SLC30A7: variants seen among roughly 807,000 people sequenced by gnomAD.
SLC30A7 encodes zinc transporter 7.
SLC30A7 carries 35 observed loss-of-function variants against 46.0 expected under a neutral mutation model. That is an observed-to-expected ratio of 0.76 (90% CI 0.58 to 1.01). SLC30A7 has a LOEUF of 1.01. Among genes scored for constraint, SLC30A7 ranks in the 50% least tolerant of loss-of-function variants. The probability of loss-of-function intolerance (pLI) is 0.00; values close to 1 mark genes in which losing one functional copy is unlikely to be tolerated. For synonymous variants in SLC30A7, 147 were observed against 157.8 expected (o/e 0.93, Z 0.51); for missense variants, 464 against 451.1 (o/e 1.03, Z -0.26).
At chr1:100,992,552 T>C in the SLC30A7 span, 4 of 903,134 alleles carry the variant, frequency 4.4e-6, no homozygotes, top group East Asian at 2.5e-5. Flanking sequence ...CTTGCTTCCA[T>C]AGTGGTATGA....
At chr1:100,916,112 CT>C (rs1275736107) in intron 6 of SLC30A7, among the ~76,000 whole-genome samples, 1 of 151,666 alleles carries the variant, frequency 6.6e-6, no homozygotes, top group East Asian at 1.9e-4. Flanking sequence ...CCATTTATTA[CT>C]TTTTTATTTT....
intron 1 of SLC30A7, 92 bp from the exon 2 acceptor site, chr1:100,896,478 T>G: frequency 2.1e-6 from 3 of 1,427,316 alleles, no homozygotes; most frequent in Admixed American, 1.7e-5. Context: ...AAGGAGCATG[T>G]GAACTGGGAG....
intron 8 of SLC30A7, among the ~76,000 whole-genome samples, chr1:100,951,808 G>A (rs1330439551): frequency 2.0e-5 from 3 of 152,186 alleles, no homozygotes; most frequent in Non-Finnish European, 2.9e-5. Context: ...TGGCCCCAAA[G>A]ATGGCCAAGT....
downstream of SLC30A7, among the ~76,000 whole-genome samples, chr1:100,983,775 A>G (rs140046622): frequency 1.3e-3 from 200 of 152,356 alleles, no homozygotes; most frequent in African/African-American, 4.5e-3. Flanking sequence ...AGATTCACAT[A>G]TAAGCAGGAG....
rs147461172 is a variant in SLC30A7, at chr1:100,974,857, G to A, written c.1131G>A (p.Ter377=). The change falls in exon 11 of 11, where the codon TAG becomes TAA. Residue 377 remains the stop codon, a stop_retained_variant. Transcript: ENST00000357650. The part of the protein sequence containing the change: ...LYVQIDFAAM[*] Reference sequence around the variant, plus strand: ...TACAGATTGACTTTGCAGCCATGTAGTGAATGGAAAGAAATTATGCACCTT... The same window carrying A: ...TACAGATTGACTTTGCAGCCATGTAATGAATGGAAAGAAATTATGCACCTT... 51 of 1,598,338 alleles carry A rather than the reference G, an allele frequency of 3.2e-5. No individual in the cohort carries two copies. In the Admixed American group the frequency reaches 4.5e-4, roughly 14 times the overall value.
At chr1:100,991,307 T>C in the SLC30A7 span, among the ~76,000 whole-genome samples, 562 of 152,350 alleles carry the variant, frequency 3.7e-3, 1 homozygote, top group African/African-American at 0.013. Context: ...TTAATGGTTG[T>C]ATTGTTTAGT....
the SLC30A7 span, among the ~76,000 whole-genome samples, chr1:100,989,367 T>C: frequency 2.6e-5 from 4 of 152,236 alleles, no homozygotes; most frequent in Admixed American, 2.6e-4. Context: ...TGAACATTTA[T>C]AATTAAACAA....
chr1:100,912,890 AGTGT>A (rs146877144), intron 5 of SLC30A7, among the ~76,000 whole-genome samples: 22,265 of 150,998 alleles, frequency 0.15, 1,627 homozygotes, highest in Non-Finnish European at 0.16. Context: ...AAAAAAAAAA[AGTGT>A]GTGTGTTTAT....
chr1:100,906,040 G>A (rs1651638325), intron 2 of SLC30A7, among the ~76,000 whole-genome samples: 1 of 152,166 alleles, frequency 6.6e-6, no homozygotes, highest in Admixed American at 6.5e-5. Context: ...GTTAGTATGG[G>A]ACTTTCGAAA....
intron 10 of SLC30A7, among the ~76,000 whole-genome samples, chr1:100,970,466 G>A (rs896571845): frequency 6.6e-6 from 1 of 151,956 alleles, no homozygotes; most frequent in African/African-American, 2.4e-5. Context: ...TGCTGTACGT[G>A]AATATAAACT....
intron 2 of SLC30A7, among the ~76,000 whole-genome samples, 176 bp downstream of exon 2, chr1:100,896,847 A>G (rs1023936982): frequency 1.1e-4 from 17 of 152,112 alleles, no homozygotes; most frequent in Non-Finnish European, 4.4e-5. Flanking sequence ...ACAGTTCTTG[A>G]GTAAGATCTG....
intron 5 of SLC30A7, 93 bp from the exon 6 acceptor site, chr1:100,913,570 T>G: frequency 1.1e-6 from 1 of 887,600 alleles, no homozygotes; most frequent in South Asian, 1.6e-5. Context: ...GATCTGAGTT[T>G]AGAGCTGATT....
rs757269962 is a variant in SLC30A7, at chr1:100,896,338, T to C, written c.76T>C (p.Phe26Leu). 7 of 1,613,974 alleles carry C rather than the reference T, an allele frequency of 4.3e-6. No individual in the cohort carries two copies. The highest frequency in any genetic ancestry group is 5.9e-6 in the Non-Finnish European group (7 of 1,179,980). ...FNLFGKISGW[F>L]RSILSDKTSR... ...TTTGTTCGGCAAGATCTCGGGCTGGTTTAGGTGCGGGGTGCTGTGTTTGCG... is the reference window on the plus strand; with the variant it reads ...TTTGTTCGGCAAGATCTCGGGCTGGCTTAGGTGCGGGGTGCTGTGTTTGCG... The change falls in exon 1 of 11, where the codon TTT becomes CTT. Residue 26 changes from phenylalanine (F) to leucine (L), a missense_variant. Phe to Leu is a conservative substitution (Grantham distance 22, BLOSUM62 0). Coordinates refer to ENST00000357650, the MANE Select transcript of SLC30A7 (RefSeq NM_133496.5).
chr1:100,946,330 A>G (rs1220959209), intron 8 of SLC30A7, among the ~76,000 whole-genome samples: 1 of 152,186 alleles, frequency 6.6e-6, no homozygotes, highest in East Asian at 1.9e-4. Flanking sequence ...TATGTTGAAC[A>G]GGAGTGGTGA....
intron 10 of SLC30A7, chr1:100,972,748 A>G (rs1656231187): frequency 1.3e-5 from 2 of 152,076 alleles, no homozygotes; most frequent in Non-Finnish European, 2.9e-5. Flanking sequence ...ATGTCAGATC[A>G]TATAATTGTA....
At chr1:100,923,440 A>T (rs928844008) in intron 8 of SLC30A7, among the ~76,000 whole-genome samples, 4 of 152,064 alleles carry the variant, frequency 2.6e-5, no homozygotes, top group African/African-American at 9.7e-5. Flanking sequence ...TTATTTTTTA[A>T]TTTTTTCAAA....
At chr1:100,920,869 T>C (rs1208059569) in intron 7 of SLC30A7, among the ~76,000 whole-genome samples, 1 of 149,008 alleles carries the variant, frequency 6.7e-6, no homozygotes, top group Non-Finnish European at 1.5e-5. Context: ...CAAGACATGA[T>C]TGAAGTTTAA....
At chr1:100,920,779 C>T (rs1652884136) in intron 7 of SLC30A7, among the ~76,000 whole-genome samples, 1 of 151,990 alleles carries the variant, frequency 6.6e-6, no homozygotes, top group Non-Finnish European at 1.5e-5. Context: ...TATTTCTCAA[C>T]TACATACATG....
At chr1:100,919,405 T>G (rs1180938990) in intron 7 of SLC30A7, among the ~76,000 whole-genome samples, 1 of 152,150 alleles carries the variant, frequency 6.6e-6, no homozygotes, top group Non-Finnish European at 1.5e-5. Flanking sequence ...CACCTATTTG[T>G]CTTCACTATT....
Sources: gnomAD v4.1 joint callset for allele counts (sites outside exome capture counted in the v4.1 genomes callset) on GRCh38, gnomAD v4.1.1 for gene constraint, MANE v1.5 for transcripts, NCBI Gene and HGNC (gene_info 2026-07-23, HGNC 2026-07-21) for gene names.